Variants in SPOCK3 observed in about 807,000 individuals in gnomAD.
SPOCK3 encodes testican-3.
A neutral mutation model predicts 56.6 loss-of-function variants in SPOCK3; 30 were observed. The observed-to-expected ratio is 0.53, with a 90% CI of 0.40 to 0.72. The LOEUF (loss-of-function observed/expected upper bound fraction) is 0.72. SPOCK3 is among the 30% of genes least tolerant of loss of function. The pLI, the probability that SPOCK3 is intolerant of heterozygous loss-of-function variation, is 0.00. For synonymous variants in SPOCK3, 196 were observed against 183.3 expected (o/e 1.07, Z -0.56); for missense variants, 527 against 530.0 (o/e 0.99, Z 0.06).
chr4:166,857,284 C>G (rs1730791855), intron 6 of SPOCK3, among the ~76,000 whole-genome samples: 1 of 152,202 alleles, frequency 6.6e-6, no homozygotes, highest in African/African-American at 2.4e-5. Flanking sequence ...GCCACCATAT[C>G]ACCGCCCAAG....
chr4:166,744,053 C>T (rs1190283869), intron 8 of SPOCK3, among the ~76,000 whole-genome samples: 1 of 152,206 alleles, frequency 6.6e-6, no homozygotes, highest in Non-Finnish European at 1.5e-5. Context: ...CAAAAGGCAA[C>T]AGAAACTTCT....
intron 2 of SPOCK3, among the ~76,000 whole-genome samples, chr4:167,155,774 A>G (rs1561274307): frequency 6.6e-6 from 1 of 152,194 alleles, no homozygotes; most frequent in Non-Finnish European, 1.5e-5. Context: ...GACATAATGC[A>G]GCTGTATCTA....
chr4:167,026,383 C>T (rs955347261), intron 3 of SPOCK3, among the ~76,000 whole-genome samples: 2 of 151,982 alleles, frequency 1.3e-5, no homozygotes, highest in African/African-American at 4.8e-5. Context: ...GAACTACAAA[C>T]AATATCTGAA....
intron 2 of SPOCK3, among the ~76,000 whole-genome samples, chr4:167,064,771 A>G (rs982687606): frequency 6.6e-6 from 1 of 151,776 alleles, no homozygotes; most frequent in Non-Finnish European, 1.5e-5. Context: ...TCCTGTGATG[A>G]AAGTTGGAAA....
chr4:167,013,072 T>G (rs550498771), intron 3 of SPOCK3, among the ~76,000 whole-genome samples: 20 of 152,138 alleles, frequency 1.3e-4, no homozygotes, highest in Middle Eastern at 3.4e-3. Context: ...ATAAAATCCA[T>G]GTACTCTAAC....
chr4:166,873,207 TA>T (rs901690340), intron 6 of SPOCK3, among the ~76,000 whole-genome samples: 1,903 of 129,880 alleles, frequency 0.015, 23 homozygotes, highest in African/African-American at 0.038. Flanking sequence ...ATGAAGAAGT[TA>T]AAAAAAAAAA....
intron 2 of SPOCK3, among the ~76,000 whole-genome samples, chr4:167,141,752 G>T (rs1471474627): frequency 6.6e-6 from 1 of 151,856 alleles, no homozygotes; most frequent in African/African-American, 2.4e-5. Context: ...TAAAAGTACA[G>T]GATACATTCC....
Position 167,126,327 on chromosome 4 carries a change from C to A in SPOCK3, c.190-63790G>T, listed in dbSNP as rs916123524. On this transcript the variant is annotated intron_variant, in intron 2 of 10. Coordinates refer to ENST00000357545, the MANE Select transcript of SPOCK3 (RefSeq NM_001040159.2). Reference sequence around the variant, plus strand: ...CTTTGGGAGGCCAAGGTGGGTGGATCACCTGAGGTCAGGAGTTCGAGACCA... The same window carrying A: ...CTTTGGGAGGCCAAGGTGGGTGGATAACCTGAGGTCAGGAGTTCGAGACCA... 4.6e-5 allele frequency among the ~76,000 whole-genome samples: 7 copies of A among 152,162 alleles called. No individual in the cohort carries two copies. The East Asian group carries it at 1.4e-3, about 30-fold the overall frequency.
intron 3 of SPOCK3, among the ~76,000 whole-genome samples, chr4:167,012,837 T>G (rs1750223408): frequency 1.3e-5 from 2 of 152,016 alleles, no homozygotes; most frequent in African/African-American, 4.8e-5. Flanking sequence ...TCATTGTAAC[T>G]CTATGCTGTA....
intron 4 of SPOCK3, among the ~76,000 whole-genome samples, chr4:166,943,972 C>T (rs938775875): frequency 3.9e-5 from 6 of 152,092 alleles, no homozygotes; most frequent in African/African-American, 1.4e-4. Context: ...AATGGCAAAA[C>T]CCCATCTCTG....
intron 3 of SPOCK3, among the ~76,000 whole-genome samples, chr4:167,023,767 G>A (rs548008939): frequency 2.6e-5 from 4 of 152,110 alleles, no homozygotes; most frequent in Admixed American, 6.6e-5. Flanking sequence ...TGTTTCCCAC[G>A]TGGAGAAATG....
intron 4 of SPOCK3, among the ~76,000 whole-genome samples, chr4:166,961,287 A>C (rs1011481625): frequency 8.6e-5 from 13 of 152,036 alleles, no homozygotes; most frequent in African/African-American, 3.1e-4. Context: ...ACATGAGTGC[A>C]TAGAATACAT....
At chr4:166,921,766 A>G (rs903969163) in intron 4 of SPOCK3, among the ~76,000 whole-genome samples, 1 of 152,210 alleles carries the variant, frequency 6.6e-6, no homozygotes, top group African/African-American at 2.4e-5. Context: ...TGTTACTTAT[A>G]TATTATTACT....
chr4:167,005,303 G>A (rs1236244062), intron 3 of SPOCK3, among the ~76,000 whole-genome samples: 1 of 151,686 alleles, frequency 6.6e-6, no homozygotes, highest in Non-Finnish European at 1.5e-5. Context: ...TCTGCCTCCC[G>A]GGTTCATGCC....
rs185867193 is a variant in SPOCK3 at position 167,074,050 on chromosome 4, T to G, written c.190-11513A>C. Among the ~76,000 whole-genome samples, 144 of 149,472 alleles carry G rather than the reference T, an allele frequency of 9.6e-4. 3 individuals are homozygous for G. The East Asian group carries it at 0.013, about 13-fold the overall frequency. On this transcript the variant is annotated intron_variant, in intron 2 of 10. Coordinates refer to ENST00000357545, the MANE Select transcript of SPOCK3 (RefSeq NM_001040159.2). ...TAATACTGCCAAATAATCAACACAC[T>G]TTCTAAAAAAAAAAAAAATAGCTAG...
At chr4:166,885,630 T>A (rs933589143) in intron 6 of SPOCK3, among the ~76,000 whole-genome samples, 1 of 151,998 alleles carries the variant, frequency 6.6e-6, no homozygotes, top group Admixed American at 6.6e-5. Context: ...CTTTTTAAAA[T>A]AGGTTATTTT....
intron 7 of SPOCK3, among the ~76,000 whole-genome samples, chr4:166,789,904 A>T (rs979034857): frequency 6.6e-6 from 1 of 152,164 alleles, no homozygotes; most frequent in African/African-American, 2.4e-5. Context: ...TTTAAAATGC[A>T]TGCACATTTT....
rs1017388104 is a variant in SPOCK3 at position 166,780,959 on chromosome 4, A to G, written c.709+11211T>C. ...CTCACGCTAAGCACAAGGCAACCCTATAGTTACTTTAAGCCTGAGATGCAC... is the reference window on the plus strand; with the variant it reads ...CTCACGCTAAGCACAAGGCAACCCTGTAGTTACTTTAAGCCTGAGATGCAC... On this transcript the variant is annotated intron_variant, in intron 7 of 10. Coordinates refer to ENST00000357545, the MANE Select transcript of SPOCK3 (RefSeq NM_001040159.2). 5.9e-5 allele frequency among the ~76,000 whole-genome samples: 9 copies of G among 152,294 alleles called. No individual in the cohort carries two copies. The South Asian group carries it at 1.9e-3, about 32-fold the overall frequency.
intron 2 of SPOCK3, among the ~76,000 whole-genome samples, chr4:167,129,441 C>T (rs1433436351): frequency 6.6e-6 from 1 of 152,226 alleles, no homozygotes; most frequent in African/African-American, 2.4e-5. Context: ...AGGCACAGGA[C>T]ACTGGAGTTT....
Sources: allele counts gnomAD v4.1 joint callset (sites outside exome capture counted in the v4.1 genomes callset), GRCh38; gene constraint gnomAD v4.1.1; transcripts MANE v1.5; gene names NCBI Gene and HGNC (gene_info 2026-07-23, HGNC 2026-07-21).